MAP3K5: variants seen among roughly 807,000 people sequenced by gnomAD.
The protein encoded by MAP3K5 is ASK-1.
Under a neutral mutation model 158.7 loss-of-function variants are expected in MAP3K5, and 56 were observed. The observed-to-expected ratio is 0.35, with a 90% CI of 0.28 to 0.44. The LOEUF (loss-of-function observed/expected upper bound fraction) is 0.44, where lower values mean the gene tolerates loss of function less well. MAP3K5 is among the 20% of genes least tolerant of loss of function. The probability of loss-of-function intolerance (pLI) is 1.00; values close to 1 mark genes in which losing one functional copy is unlikely to be tolerated. For synonymous variants in MAP3K5, 579 were observed against 601.7 expected (o/e 0.96, Z 0.55); for missense variants, 1,294 against 1,674.8 (o/e 0.77, Z 3.97).
In MAP3K5 at chr6:136,745,108, G is replaced by C. The variant is rs373288809; in HGVS notation, c.449-24519C>G. ...ATGTTTCCTGTTCAGAATACTGACA[G>C]GGCAGCAGCGGGCATACACTTGGCA... On this transcript the variant is annotated intron_variant, in intron 1 of 29. Transcript: ENST00000359015. Among the ~76,000 whole-genome samples, 33 of 150,984 alleles carry C rather than the reference G, an allele frequency of 2.2e-4. 1 individual carries two copies. Among genetic ancestry groups the C allele is most frequent in the Admixed American group, 9.2e-4 (14 of 15,174 alleles).
chr6:136,655,445 G>A (rs1052553209), intron 10 of MAP3K5, among the ~76,000 whole-genome samples: 1 of 152,212 alleles, frequency 6.6e-6, no homozygotes, highest in African/African-American at 2.4e-5. Flanking sequence ...GTCAGCAATG[G>A]ATTTAATTAA....
intron 23 of MAP3K5, among the ~76,000 whole-genome samples, chr6:136,586,454 G>T (rs1775145331): frequency 1.3e-5 from 2 of 152,160 alleles, no homozygotes; most frequent in Admixed American, 6.5e-5. Flanking sequence ...AATGTTTTCT[G>T]TTCAGACTAT....
chr6:136,663,876 G>A (rs777974360), intron 8 of MAP3K5, among the ~76,000 whole-genome samples: 1 of 152,060 alleles, frequency 6.6e-6, no homozygotes, highest in Non-Finnish European at 1.5e-5. Flanking sequence ...CTCCCAAAGT[G>A]CTGGGATTAC....
intron 23 of MAP3K5, 43 bp downstream of exon 23, chr6:136,592,130 A>T: frequency 6.6e-7 from 1 of 1,514,154 alleles, no homozygotes; most frequent in Non-Finnish European, 8.9e-7. Flanking sequence ...CACAGATAAA[A>T]TATGTAACCT....
At chr6:136,717,332 C>T (rs1381360513) in intron 2 of MAP3K5, among the ~76,000 whole-genome samples, 1 of 152,072 alleles carries the variant, frequency 6.6e-6, no homozygotes, top group Non-Finnish European at 1.5e-5. Context: ...CATTACTTTT[C>T]CAGGAGCTTA....
At chr6:136,744,688 G>A (rs1782857976) in intron 1 of MAP3K5, among the ~76,000 whole-genome samples, 1 of 152,124 alleles carries the variant, frequency 6.6e-6, no homozygotes. Context: ...AGAAGTTACG[G>A]CTCAATGAAG....
intron 14 of MAP3K5, chr6:136,630,223 A>G (rs1206330139): frequency 6.6e-6 from 1 of 152,260 alleles, no homozygotes; most frequent in Non-Finnish European, 1.5e-5. Context: ...TCCGTCTCTC[A>G]TTAGAAAGTA....
chr6:136,711,079 G>C (rs1338253427), intron 2 of MAP3K5, among the ~76,000 whole-genome samples: 1 of 151,960 alleles, frequency 6.6e-6, no homozygotes, highest in Admixed American at 6.6e-5. Flanking sequence ...CAACAAAAGT[G>C]TCATAGAGCC....
rs201602051 is a variant in MAP3K5, at chr6:136,694,274, A to G, written c.1119T>C (p.Asp373=). Residue 373 remains aspartate, a synonymous_variant, in exon 7 of 30, where the codon GAT becomes GAC. Coordinates refer to ENST00000359015, the MANE Select transcript of MAP3K5 (RefSeq NM_005923.4). ...NLPGDRAKAL[D]IMIPMVQSEG... ...CGCTTTGCACCATGGGAATCATAATATCAAGAGCTTTTGCTCTGTCACCAG... is the reference window on the plus strand; with the variant it reads ...CGCTTTGCACCATGGGAATCATAATGTCAAGAGCTTTTGCTCTGTCACCAG... 1.2e-5 allele frequency: 19 copies of G among 1,613,068 alleles called. No homozygotes were observed. The African/African-American group carries it at 2.4e-4, about 20-fold the overall frequency.
At chr6:136,754,490 G>A (rs537814278) in intron 1 of MAP3K5, among the ~76,000 whole-genome samples, 2 of 151,584 alleles carry the variant, frequency 1.3e-5, no homozygotes, top group East Asian at 1.9e-4. Flanking sequence ...GAGGCGGGTG[G>A]AACACTTGAG....
chr6:136,645,106 T>A (rs1205631120), intron 11 of MAP3K5, among the ~76,000 whole-genome samples: 1 of 152,038 alleles, frequency 6.6e-6, no homozygotes, highest in African/African-American at 2.4e-5. Context: ...TTTTTTTAAA[T>A]TTTTTTGTAG....
At chr6:136,612,282 C>G (rs1019126753) in intron 17 of MAP3K5, among the ~76,000 whole-genome samples, 1 of 152,218 alleles carries the variant, frequency 6.6e-6, no homozygotes, top group African/African-American at 2.4e-5. Context: ...TCTATCTGGT[C>G]AGTGGGCAAC....
At chr6:136,614,436 A>C (rs990569526) in intron 15 of MAP3K5, 150 bp from the exon 16 acceptor site, 2 of 794,646 alleles carry the variant, frequency 2.5e-6, no homozygotes, top group Non-Finnish European at 3.9e-6. Context: ...CCTAAGGTAA[A>C]TTCTATGAGG....
At chr6:136,755,626 C>A (rs1258523644) in intron 1 of MAP3K5, among the ~76,000 whole-genome samples, 1 of 148,498 alleles carries the variant, frequency 6.7e-6, no homozygotes, top group Non-Finnish European at 1.5e-5. Context: ...GAGGTCAAGG[C>A]TGCAGTGAGC....
intron 16 of MAP3K5, 78 bp downstream of exon 16, chr6:136,614,081 C>G: frequency 6.7e-7 from 1 of 1,500,866 alleles, no homozygotes; most frequent in South Asian, 1.2e-5. Context: ...GACCTGTACG[C>G]TAGTAAATCC....
intron 11 of MAP3K5, among the ~76,000 whole-genome samples, chr6:136,646,422 T>C (rs911162479): frequency 6.6e-6 from 1 of 152,232 alleles, no homozygotes; most frequent in Non-Finnish European, 1.5e-5. Context: ...CTCACTTTAC[T>C]GAGCAAAGAA....
chr6:136,599,175 G>GC, intron 21 of MAP3K5, among the ~76,000 whole-genome samples: 1 of 148,930 alleles, frequency 6.7e-6, no homozygotes, highest in Admixed American at 6.7e-5. Context: ...AAAAGGGGGG[G>GC]GGGGCGTGGA....
chr6:136,636,413 T>C (rs1419958774), intron 14 of MAP3K5, among the ~76,000 whole-genome samples: 1 of 152,240 alleles, frequency 6.6e-6, no homozygotes, highest in South Asian at 2.1e-4. Flanking sequence ...CAGTATTTTG[T>C]TACAGCAGCC....
intron 1 of MAP3K5, among the ~76,000 whole-genome samples, chr6:136,761,046 G>A (rs966751472): frequency 2.0e-5 from 3 of 151,954 alleles, no homozygotes; most frequent in Admixed American, 6.6e-5. Flanking sequence ...TGCCCCATGC[G>A]ATAACAGAGA....
Sources: allele counts gnomAD v4.1 joint callset (sites outside exome capture counted in the v4.1 genomes callset), GRCh38; gene constraint gnomAD v4.1.1; transcripts MANE v1.5; gene names NCBI Gene and HGNC (gene_info 2026-07-23, HGNC 2026-07-21).